The following RFX3 variants were observed in gnomAD, a reference collection of about 807,000 sequenced individuals.
RFX3 encodes regulatory factor X3.
RFX3 carries 14 observed loss-of-function variants against 98.6 expected under a neutral mutation model. That is an observed-to-expected ratio of 0.14 (90% confidence interval 0.09 to 0.22). RFX3 has a LOEUF of 0.22. Ranked by LOEUF, RFX3 falls within the 10% of genes least tolerant of loss-of-function variation. The probability of loss-of-function intolerance (pLI) is 1.00; values close to 1 mark genes in which losing one functional copy is unlikely to be tolerated. For synonymous variants in RFX3, 383 were observed against 328.4 expected, an observed-to-expected ratio of 1.17 and a Z score of -1.80; for missense variants, 639 against 926.9, an observed-to-expected ratio of 0.69 and a Z score of 4.03.
chr9:3,482,183 A>G (rs184487302), intron 1 of RFX3, among the ~76,000 whole-genome samples: 1 of 152,162 alleles, frequency 6.6e-6, no homozygotes. Context: ...AAGATACAAA[A>G]TTTTATTCAT....
chr9:3,322,378 T>G (rs1162362733), intron 4 of RFX3, among the ~76,000 whole-genome samples: 3 of 152,212 alleles, frequency 2.0e-5, no homozygotes, highest in Non-Finnish European at 2.9e-5. Flanking sequence ...TTATTATAAA[T>G]GAGATCTTTG....
At chr9:3,363,481 G>A (rs1587321435) in intron 2 of RFX3, among the ~76,000 whole-genome samples, 1 of 152,122 alleles carries the variant, frequency 6.6e-6, no homozygotes, top group Non-Finnish European at 1.5e-5. Flanking sequence ...TTCTTTCAGG[G>A]TATAGAACTG....
At chr9:3,442,331 C>T (rs1845679295) in intron 1 of RFX3, among the ~76,000 whole-genome samples, 1 of 151,718 alleles carries the variant, frequency 6.6e-6, no homozygotes, top group African/African-American at 2.4e-5. Context: ...AAAGGCACCT[C>T]TCCCAAAAAA....
In RFX3 at chr9:3,490,327, G is replaced by A. The variant is rs750241272; in HGVS notation, c.-9+35420C>T. 4.1e-6 allele frequency: 4 copies of A among 983,752 alleles called. No homozygotes were observed. In the East Asian group the frequency reaches 4.5e-4, roughly 112 times the overall value. The allele number at this position is 983,752 out of a possible 1,614,324, so 60.9% of individuals were successfully genotyped here. Reference sequence around the variant, plus strand: ...CTCAACGTATTCTCTACCATAAAATGCCAGAATGACCAAGTGGCCTAAAAT... The same window carrying A: ...CTCAACGTATTCTCTACCATAAAATACCAGAATGACCAAGTGGCCTAAAAT... On this transcript the variant is annotated intron_variant, in intron 1 of 16. Transcript: ENST00000617270.
intron 2 of RFX3, among the ~76,000 whole-genome samples, chr9:3,388,004 TA>T (rs1255543243): frequency 6.6e-6 from 1 of 152,150 alleles, no homozygotes; most frequent in Non-Finnish European, 1.5e-5. Context: ...TCCAACAGAA[TA>T]CTCTATTATG....
At chr9:3,300,391 A>C (rs1828504882) in intron 5 of RFX3, among the ~76,000 whole-genome samples, 1 of 151,792 alleles carries the variant, frequency 6.6e-6, no homozygotes, top group African/African-American at 2.4e-5. Context: ...TTGAAAAAAG[A>C]AACAAGACAA....
At chr9:3,426,099 C>A (rs955074891) in intron 1 of RFX3, among the ~76,000 whole-genome samples, 3 of 152,058 alleles carry the variant, frequency 2.0e-5, no homozygotes, top group African/African-American at 7.2e-5. Flanking sequence ...TTATTTACAA[C>A]TTTTATACCA....
intron 13 of RFX3, among the ~76,000 whole-genome samples, chr9:3,262,103 ATT>A (rs1340131186): frequency 6.6e-6 from 1 of 152,192 alleles, no homozygotes; most frequent in African/African-American, 2.4e-5. Context: ...GCCATTTCAC[ATT>A]CTTGATGGTC....
intron 1 of RFX3, among the ~76,000 whole-genome samples, chr9:3,514,351 A>G (rs1038193852): frequency 1.3e-5 from 2 of 152,364 alleles, no homozygotes; most frequent in Non-Finnish European, 2.9e-5. Flanking sequence ...ATATCTACAT[A>G]CACATACACA....
intron 1 of RFX3, among the ~76,000 whole-genome samples, chr9:3,449,276 A>T (rs1300980899): frequency 6.6e-6 from 1 of 152,136 alleles, no homozygotes; most frequent in African/African-American, 2.4e-5. Context: ...CAACATTTCA[A>T]AATTACTTCC....
chr9:3,517,257 A>G (rs559537059), intron 1 of RFX3, among the ~76,000 whole-genome samples: 16 of 152,318 alleles, frequency 1.1e-4, no homozygotes, highest in African/African-American at 3.6e-4. Flanking sequence ...CCTATAGGGT[A>G]TAAGTGACCA....
At chr9:3,469,500 T>A (rs982855013) in intron 1 of RFX3, among the ~76,000 whole-genome samples, 28 of 152,284 alleles carry the variant, frequency 1.8e-4, no homozygotes, top group South Asian at 4.1e-4. Flanking sequence ...TTCTAAAAAG[T>A]GCAGAAAGGT....
chr9:3,453,238 A>G (rs1846832131), intron 1 of RFX3, among the ~76,000 whole-genome samples: 1 of 151,932 alleles, frequency 6.6e-6, no homozygotes, highest in Non-Finnish European at 1.5e-5. Flanking sequence ...TCCAGAAGCA[A>G]CTCCCAAGTG....
chr9:3,504,257 T>A (rs1231496748), intron 1 of RFX3, among the ~76,000 whole-genome samples: 1 of 132,000 alleles, frequency 7.6e-6, no homozygotes, highest in East Asian at 2.4e-4. Context: ...ATTTTATATA[T>A]AATATATACT....
chr9:3,386,759 AAATTTCATAGGATTAAG>A (rs1462058798), intron 2 of RFX3, among the ~76,000 whole-genome samples: 6 of 152,236 alleles, frequency 3.9e-5, no homozygotes, highest in African/African-American at 1.4e-4. Flanking sequence ...GGGAGAATCC[AAATTTCATAGGATTAAG>A]AACTGAACAT....
chr9:3,316,127 T>C (rs1302788909), intron 4 of RFX3, among the ~76,000 whole-genome samples: 2 of 152,056 alleles, frequency 1.3e-5, no homozygotes, highest in East Asian at 3.9e-4. Context: ...AAATCCTCAA[T>C]AAAATATTGG....
chr9:3,522,815 A>T (rs1818853633), intron 1 of RFX3, among the ~76,000 whole-genome samples: 2 of 152,204 alleles, frequency 1.3e-5, no homozygotes, highest in Admixed American at 6.5e-5. Context: ...TGCCTTTAAG[A>T]TTCATTCATT....
intron 4 of RFX3, among the ~76,000 whole-genome samples, chr9:3,327,462 A>G (rs967658482): frequency 6.6e-6 from 1 of 152,202 alleles, no homozygotes; most frequent in African/African-American, 2.4e-5. Context: ...GTAATACAAT[A>G]AACACTAGCA....
chr9:3,391,524 A>G (rs1840309181), intron 2 of RFX3, among the ~76,000 whole-genome samples: 1 of 152,180 alleles, frequency 6.6e-6, no homozygotes, highest in Non-Finnish European at 1.5e-5. Context: ...CCTGCCTTGA[A>G]TGTCCCAGAA....
Sources: allele counts gnomAD v4.1 joint callset (sites outside exome capture counted in the v4.1 genomes callset), GRCh38; gene constraint gnomAD v4.1.1; transcripts MANE v1.5; gene names NCBI Gene and HGNC (gene_info 2026-07-23, HGNC 2026-07-21).